Variants in TRIM36 observed in about 807,000 individuals in gnomAD.
TRIM36 encodes E3 ubiquitin-protein ligase TRIM36.
TRIM36 carries 42 observed loss-of-function variants against 72.4 expected under a neutral mutation model. The observed-to-expected ratio is 0.58, with a 90% CI of 0.45 to 0.75. The LOEUF (loss-of-function observed/expected upper bound fraction) is 0.75, where lower values mean the gene tolerates loss of function less well. Among genes scored for constraint, TRIM36 ranks in the 30% least tolerant of loss-of-function variants. TRIM36 has a pLI of 0.00. For synonymous variants in TRIM36, 315 were observed against 282.8 expected, an observed-to-expected ratio of 1.11 and a Z score of -1.14; for missense variants, 913 against 857.1, an observed-to-expected ratio of 1.07 and a Z score of -0.81.
intron 2 of TRIM36, among the ~76,000 whole-genome samples, chr5:115,152,167 A>C (rs1288968368): frequency 6.6e-6 from 1 of 152,228 alleles, no homozygotes; most frequent in Non-Finnish European, 1.5e-5. Context: ...AGATAGCATA[A>C]ATAAAAAACA....
Position 115,126,309 on chromosome 5 carries a change from T to G in TRIM36, c.*194A>C. 1.8e-6 allele frequency: 1 copy of G among 544,194 alleles called. No individual in the cohort carries two copies. The highest frequency in any genetic ancestry group is 2.9e-5 in the East Asian group (1 of 34,892). The allele number at this position is 544,194 out of a possible 1,614,324, so 33.7% of individuals were successfully genotyped here. A position where few individuals can be genotyped will look rare whatever the true frequency, so the allele number is the denominator to read the frequency against. ...TTAACTTGGAAAGAACATCTTCACT[T>G]TCATCATTTGTGAAAGGCAGAACAA... On this transcript the variant is annotated 3_prime_UTR_variant, in exon 10 of 10. Coordinates refer to ENST00000513154, the MANE Select transcript of TRIM36 (RefSeq NM_001300759.2).
rs1461901625 is a variant in TRIM36 at position 115,179,936 on chromosome 5, G to C, written c.63+39C>G. The C allele has an allele frequency of 3.8e-6, 6 of 1,598,500 alleles. 1 individual carries two copies. The South Asian group carries it at 5.6e-5, about 15-fold the overall frequency. ...TGGCGGGCCAGGTAGTGCCGGAGTCGGGGGCCCAGGCCGCGGCGCCCCGCG... is the reference window on the plus strand; with the variant it reads ...TGGCGGGCCAGGTAGTGCCGGAGTCCGGGGCCCAGGCCGCGGCGCCCCGCG... On this transcript the variant is annotated intron_variant, in intron 1 of 9. Coordinates refer to the TRIM36 transcript ENST00000282369.
chr5:115,179,267 G>T (rs944094320), intron 1 of TRIM36, among the ~76,000 whole-genome samples: 1 of 152,130 alleles, frequency 6.6e-6, no homozygotes, highest in African/African-American at 2.4e-5. Context: ...GCACCACCCC[G>T]CCTGCTGAGG....
intron 2 of TRIM36, among the ~76,000 whole-genome samples, chr5:115,152,277 G>A (rs1753933434): frequency 6.6e-6 from 1 of 152,114 alleles, no homozygotes. Context: ...GAAATTCAGA[G>A]CTCGAAGACA....
intron 1 of TRIM36, among the ~76,000 whole-genome samples, chr5:115,164,954 A>G (rs1754682327): frequency 2.6e-5 from 4 of 152,224 alleles, no homozygotes; most frequent in Admixed American, 2.6e-4. Context: ...GGCCAAAACA[A>G]AGGGGCTACA....
At chr5:115,141,547 A>C (rs1753276548) in intron 4 of TRIM36, among the ~76,000 whole-genome samples, 173 bp from the exon 5 acceptor site, 1 of 152,226 alleles carries the variant, frequency 6.6e-6, no homozygotes, top group African/African-American at 2.4e-5. Flanking sequence ...TAATGGCCTT[A>C]GGCACAGAGG....
chr5:115,159,094 A>G (rs993536014), intron 2 of TRIM36, among the ~76,000 whole-genome samples: 3 of 152,228 alleles, frequency 2.0e-5, no homozygotes, highest in African/African-American at 7.2e-5. Flanking sequence ...AATATTTCAG[A>G]AAGTCTAATA....
chr5:115,130,468 G>A, intron 9 of TRIM36, 124 bp downstream of exon 9: 1 of 1,122,092 alleles, frequency 8.9e-7, no homozygotes, highest in Non-Finnish European at 1.2e-6. Flanking sequence ...TCTCAATCAA[G>A]CCACAGCCAA....
intron 2 of TRIM36, chr5:115,149,642 T>TAAAAAA (rs202015411): frequency 8.1e-5 from 8 of 98,486 alleles, no homozygotes; most frequent in Middle Eastern, 5.7e-3. Context: ...TTTTACAGTG[T>TAAAAAA]AAAAAAAAAA....
chr5:115,160,008 T>C (rs1247219720), intron 2 of TRIM36, among the ~76,000 whole-genome samples: 1 of 148,496 alleles, frequency 6.7e-6, no homozygotes, highest in Non-Finnish European at 1.5e-5. Context: ...ACTGACCTAA[T>C]AACTGTTAAA....
At chr5:115,172,837 G>C (rs1246355085), upstream of TRIM36, among the ~76,000 whole-genome samples, 1 of 152,118 alleles carries the variant, frequency 6.6e-6, no homozygotes, top group Non-Finnish European at 1.5e-5. Flanking sequence ...TAAGCATCTG[G>C]AATAGAGCAC....
rs891629582 is a variant in TRIM36, at chr5:115,125,000, C to G, written c.*1503G>C. The G allele has an allele frequency of 2.6e-5, 4 of 152,382 alleles. No individual in the cohort carries two copies. Among genetic ancestry groups the G allele is most frequent in the African/African-American group, 7.2e-5 (3 of 41,430 alleles). 9.4% of individuals were successfully genotyped at this position (152,382 alleles called of 1,614,324 possible). On this transcript the variant is annotated 3_prime_UTR_variant, in exon 10 of 10. Coordinates refer to ENST00000513154, the MANE Select transcript of TRIM36 (RefSeq NM_001300759.2). ...TTAGTTTAGCCTACATCATAAAGTGCTATTCATAGATGGGAAATTAACAGC... is the reference window on the plus strand; with the variant it reads ...TTAGTTTAGCCTACATCATAAAGTGGTATTCATAGATGGGAAATTAACAGC...
exon 1 of TRIM36, chr5:115,180,032 C>G (rs751448899): frequency 6.2e-7 from 1 of 1,614,076 alleles, no homozygotes; most frequent in Non-Finnish European, 8.5e-7. Context: ...CCCCAGACTC[C>G]GACATGTTTA....
At chr5:115,132,318 G>A (rs1752733887) in intron 8 of TRIM36, among the ~76,000 whole-genome samples, 1 of 151,814 alleles carries the variant, frequency 6.6e-6, no homozygotes, top group Non-Finnish European at 1.5e-5. Flanking sequence ...TGGATCACTT[G>A]AGGTCAGGAG....
At chr5:115,167,007 G>A (rs1015805521) in intron 1 of TRIM36, among the ~76,000 whole-genome samples, 7 of 152,230 alleles carry the variant, frequency 4.6e-5, no homozygotes, top group African/African-American at 1.4e-4. Context: ...CTGGCTTGCC[G>A]TTGGCAGCCG....
chr5:115,145,891 G>T (rs1249992884), intron 3 of TRIM36, among the ~76,000 whole-genome samples: 1 of 152,116 alleles, frequency 6.6e-6, no homozygotes, highest in Non-Finnish European at 1.5e-5. Flanking sequence ...ATGATCAAAA[G>T]AACTCAACGT....
At chr5:115,170,811 CAG>C (rs1247674097), upstream of TRIM36, among the ~76,000 whole-genome samples, 1 of 152,242 alleles carries the variant, frequency 6.6e-6, no homozygotes, top group Non-Finnish European at 1.5e-5. Context: ...AGGGCCAGGA[CAG>C]AGGGTCCTGA....
In TRIM36 at chr5:115,144,691, T is replaced by C. The variant is rs1268383649; in HGVS notation, c.642A>G (p.Leu214=). 1 of 1,614,178 alleles carries C rather than the reference T, an allele frequency of 6.2e-7. No homozygotes were observed. The highest frequency in any genetic ancestry group is 1.7e-5 in the Admixed American group (1 of 60,032). ...ETERINMYCE[L]CRRPVCHLCK... is the part of the protein sequence containing the mutation. The stretch of plus-strand genomic sequence containing the variant: ...ACAGATGGCAAACTGGCCTCCTACA[T>C]AATTCACAGTACATGTTTATTCTCT... The change falls in exon 4 of 10, where the codon TTA becomes TTG. Residue 214 remains leucine (L), a synonymous_variant. Coordinates refer to ENST00000513154, the MANE Select transcript of TRIM36 (RefSeq NM_001300759.2).
At chr5:115,157,978 C>T (rs369464619) in intron 2 of TRIM36, among the ~76,000 whole-genome samples, 213 of 152,100 alleles carry the variant, frequency 1.4e-3, no homozygotes, top group African/African-American at 4.5e-3. Flanking sequence ...GGGTGGGAAG[C>T]GGGTGAGGGA....
Sources: allele counts gnomAD v4.1 joint callset (sites outside exome capture counted in the v4.1 genomes callset), GRCh38; gene constraint gnomAD v4.1.1; transcripts MANE v1.5; gene names NCBI Gene and HGNC (gene_info 2026-07-23, HGNC 2026-07-21).